Variants in KLHL29 observed in about 807,000 individuals in gnomAD.
KLHL29 encodes the protein kelch like family member 29.
A neutral mutation model predicts 80.4 loss-of-function variants in KLHL29; 21 were observed. That is an observed-to-expected ratio of 0.26 (90% confidence interval 0.19 to 0.38). The LOEUF is 0.38. Ranked by LOEUF, KLHL29 falls within the 10% of genes least tolerant of loss-of-function variation. The pLI, the probability that KLHL29 is intolerant of heterozygous loss-of-function variation, is 1.00. For missense variants in KLHL29, 867 were observed against 1,223.9 expected (o/e 0.71, Z 4.35); for synonymous variants, 511 against 526.8 (o/e 0.97, Z 0.41).
chr2:23,526,690 C>T (rs893522691), intron 2 of KLHL29, among the ~76,000 whole-genome samples: 1 of 152,212 alleles, frequency 6.6e-6, no homozygotes, highest in Admixed American at 6.5e-5. Flanking sequence ...CCACACCCAG[C>T]TCACAAGTCT....
chr2:23,694,952 C>T (rs1458949778), intron 8 of KLHL29, among the ~76,000 whole-genome samples: 4 of 152,160 alleles, frequency 2.6e-5, no homozygotes, highest in African/African-American at 7.2e-5. Flanking sequence ...GGTCTCTGCA[C>T]CCCCAGTGAT....
intron 2 of KLHL29, chr2:23,506,892 T>TG (rs35533861): frequency 0.14 from 24,464 of 173,044 alleles, 2,503 homozygotes; most frequent in East Asian, 0.55. Flanking sequence ...ACCTACAGGG[T>TG]GGGGTAGAAG....
At chr2:23,495,507 A>C (rs1665236155) in intron 2 of KLHL29, among the ~76,000 whole-genome samples, 1 of 152,176 alleles carries the variant, frequency 6.6e-6, no homozygotes, top group Admixed American at 6.5e-5. Context: ...AATACTCTTT[A>C]TCTTCTGCCC....
chr2:23,422,485 C>T (rs997517108), intron 1 of KLHL29, among the ~76,000 whole-genome samples: 4 of 145,056 alleles, frequency 2.8e-5, no homozygotes, highest in African/African-American at 1.0e-4. Context: ...TGTTGTGTGT[C>T]CCTGTGTGTC....
At chr2:23,417,017 T>G (rs138563010) in intron 1 of KLHL29, among the ~76,000 whole-genome samples, 130 of 152,216 alleles carry the variant, frequency 8.5e-4, no homozygotes, top group Non-Finnish European at 1.6e-3. Context: ...CCACCTGGGT[T>G]CCTATCTCAT....
At chr2:23,459,992 C>T (rs192739369) in intron 1 of KLHL29, among the ~76,000 whole-genome samples, 129 of 152,288 alleles carry the variant, frequency 8.5e-4, no homozygotes, top group African/African-American at 3.0e-3. Context: ...AGAGGAGAAG[C>T]TGGAAGGGTA....
chr2:23,663,115 C>A (rs1257488116), intron 5 of KLHL29, among the ~76,000 whole-genome samples: 1 of 152,168 alleles, frequency 6.6e-6, no homozygotes, highest in Non-Finnish European at 1.5e-5. Context: ...GCTTCCCCTA[C>A]CGCGCCCTGC....
chr2:23,434,307 C>T (rs1455378383), intron 1 of KLHL29, among the ~76,000 whole-genome samples: 1 of 113,194 alleles, frequency 8.8e-6, no homozygotes, highest in African/African-American at 3.5e-5. Context: ...GGAGACACAG[C>T]GAGACTCCGT....
intron 2 of KLHL29, among the ~76,000 whole-genome samples, chr2:23,516,151 C>T (rs1204205536): frequency 6.6e-6 from 1 of 152,106 alleles, no homozygotes; most frequent in Admixed American, 6.5e-5. Flanking sequence ...CCCTTCTGCC[C>T]TGCCCAGCCT....
chr2:23,468,308 T>A (rs1278885942), intron 1 of KLHL29, among the ~76,000 whole-genome samples: 1 of 152,122 alleles, frequency 6.6e-6, no homozygotes, highest in East Asian at 1.9e-4. Flanking sequence ...AACTGGTGTC[T>A]CCGAGACTAG....
At chr2:23,601,227 C>T (rs1668559857) in intron 3 of KLHL29, among the ~76,000 whole-genome samples, 1 of 152,124 alleles carries the variant, frequency 6.6e-6, no homozygotes, top group African/African-American at 2.4e-5. Flanking sequence ...ATGAGTGTCT[C>T]CCAGGACCAT....
chr2:23,385,448 A>AGCC lies in KLHL29; in HGVS notation c.-467_-465dup, dbSNP rs550576439. On this transcript the variant is annotated 5_prime_UTR_variant, in exon 1 of 14. Transcript: ENST00000486442. ...GAGAGGGCGGGGGCGATGCTGCCGGAGCCGCCGCCGCCGCCGCCGCCTCGA... is the reference window on the plus strand; with the variant it reads ...GAGAGGGCGGGGGCGATGCTGCCGGAGCCGCCGCCGCCGCCGCCGCCGCCTCGA... 36,246 of 161,508 alleles carry AGCC rather than the reference A, an allele frequency of 0.22. 4,754 individuals carry two copies. Among genetic ancestry groups the AGCC allele is most frequent in the South Asian group, 0.34 (1,885 of 5,606 alleles). The allele number at this position is 161,508 out of a possible 1,614,324, so 10.0% of individuals were successfully genotyped here.
At chr2:23,579,325 G>A (rs1667923315) in intron 3 of KLHL29, among the ~76,000 whole-genome samples, 1 of 152,226 alleles carries the variant, frequency 6.6e-6, no homozygotes, top group South Asian at 2.1e-4. Context: ...TTCGAAGCCT[G>A]TGACTCTAAC....
intron 2 of KLHL29, among the ~76,000 whole-genome samples, chr2:23,518,044 G>A (rs377309491): frequency 9.2e-5 from 14 of 152,344 alleles, no homozygotes; most frequent in African/African-American, 3.4e-4. Flanking sequence ...ATGAGATAGT[G>A]TGTAGCTCAT....
chr2:23,533,499 A>G (rs1364331556), intron 2 of KLHL29, among the ~76,000 whole-genome samples: 1 of 152,170 alleles, frequency 6.6e-6, no homozygotes, highest in Admixed American at 6.5e-5. Context: ...CAGCTGATGC[A>G]AAACAAGGAG....
intron 5 of KLHL29, among the ~76,000 whole-genome samples, chr2:23,645,089 C>G (rs960233683): frequency 6.6e-6 from 1 of 152,184 alleles, no homozygotes; most frequent in Non-Finnish European, 1.5e-5. Context: ...ACAAATGCCT[C>G]CAAACTCAAG....
intron 1 of KLHL29, among the ~76,000 whole-genome samples, chr2:23,466,373 T>C (rs1664355072): frequency 6.6e-6 from 1 of 152,248 alleles, no homozygotes; most frequent in Admixed American, 6.5e-5. Context: ...TTTAGATGCG[T>C]TAAAGCGAAG....
intron 5 of KLHL29, chr2:23,668,574 T>C (rs1670619274): frequency 6.6e-6 from 1 of 152,250 alleles, no homozygotes; most frequent in South Asian, 2.1e-4. Flanking sequence ...GTTTCAGAAG[T>C]TCCAGGGGCA....
chr2:23,385,534 C>A lies in KLHL29; in HGVS notation c.-400C>A. On this transcript the variant is annotated 5_prime_UTR_variant, in exon 1 of 14. Transcript: ENST00000486442. ...CTGACAGGCAGGAGGACCGACTTCC[C>A]TCTCCCGGGCATCCTCCCTGGGCTG... 5.9e-6 allele frequency: 1 copy of A among 169,310 alleles called. No individual in the cohort carries two copies. The highest frequency in any genetic ancestry group is 1.8e-4 in the South Asian group (1 of 5,640). 10.5% of individuals were successfully genotyped at this position (169,310 alleles called of 1,614,324 possible).
Sources: allele counts gnomAD v4.1 joint callset (sites outside exome capture counted in the v4.1 genomes callset), GRCh38; gene constraint gnomAD v4.1.1; transcripts MANE v1.5; gene names NCBI Gene and HGNC (gene_info 2026-07-23, HGNC 2026-07-21).